The following ADAMTSL1 variants were observed in gnomAD, a reference collection of about 807,000 sequenced individuals.
ADAMTSL1 encodes ADAMTS like 1, also known as ADAMTS-like protein 1.
ADAMTSL1 carries 126 observed loss-of-function variants against 201.8 expected under a neutral mutation model. That is an observed-to-expected ratio of 0.62 (90% CI 0.54 to 0.72). The LOEUF is 0.72. Ranked by LOEUF, ADAMTSL1 falls within the 30% of genes least tolerant of loss-of-function variation. The pLI is 0.00. For synonymous variants in ADAMTSL1, 1,121 were observed against 903.4 expected (o/e 1.24, Z -4.32); for missense variants, 2,679 against 2,277.8 (o/e 1.18, Z -3.59).
At chr9:17,960,711 T>C (rs1042225221) in intron 1 of ADAMTSL1, among the ~76,000 whole-genome samples, 1 of 152,226 alleles carries the variant, frequency 6.6e-6, no homozygotes, top group Non-Finnish European at 1.5e-5. Context: ...CCTGTATTCA[T>C]CTGTCTTTTT....
chr9:18,777,100 G>A lies in ADAMTSL1; in HGVS notation c.2871G>A (p.Val957=), dbSNP rs765856025. The change falls in exon 19 of 29, where the codon GTG becomes GTA. Residue 957 remains valine (V), a synonymous_variant. Coordinates refer to ENST00000380548, the MANE Select transcript of ADAMTSL1 (RefSeq NM_001040272.6). ...CGGGCCCGGCCCGGGAGCACTTTGTGATTAAGCTCATCGGAGGCAACCGCA... is the reference window on the plus strand; with the variant it reads ...CGGGCCCGGCCCGGGAGCACTTTGTAATTAAGCTCATCGGAGGCAACCGCA... ...CSAGPAREHF[V]IKLIGGNRKL... is the part of the protein sequence containing the mutation. 2.3e-5 allele frequency: 37 copies of A among 1,613,104 alleles called. No individual in the cohort carries two copies. Among genetic ancestry groups the A allele is most frequent in the Non-Finnish European group, 5.9e-6 (7 of 1,179,840 alleles).
chr9:18,403,167 T>TA (rs981559023), intron 2 of ADAMTSL1, among the ~76,000 whole-genome samples: 2 of 151,948 alleles, frequency 1.3e-5, no homozygotes, highest in African/African-American at 4.8e-5. Flanking sequence ...TTTTTTTTTT[T>TA]ATTTTTCCCC....
At chr9:18,057,406 A>T (rs751349285) in intron 1 of ADAMTSL1, among the ~76,000 whole-genome samples, 1 of 152,192 alleles carries the variant, frequency 6.6e-6, no homozygotes, top group Non-Finnish European at 1.5e-5. Context: ...TTTAATGTGA[A>T]AAATTAGTTC....
chr9:18,284,165 G>T (rs534152790), intron 2 of ADAMTSL1, among the ~76,000 whole-genome samples: 38 of 151,760 alleles, frequency 2.5e-4, no homozygotes, highest in South Asian at 8.3e-4. Flanking sequence ...GGAGGCAGAG[G>T]TTGCAGTGAG....
At chr9:18,077,919 G>C (rs941620270) in intron 1 of ADAMTSL1, among the ~76,000 whole-genome samples, 1 of 152,148 alleles carries the variant, frequency 6.6e-6, no homozygotes, top group African/African-American at 2.4e-5. Flanking sequence ...GAAGTTTCAT[G>C]GGTGAGAAGT....
At chr9:18,471,908 A>C (rs1821231904), upstream of ADAMTSL1, among the ~76,000 whole-genome samples, 1 of 152,236 alleles carries the variant, frequency 6.6e-6, no homozygotes, top group African/African-American at 2.4e-5. Flanking sequence ...AAAGAATCTA[A>C]ACTAGCATGT....
chr9:18,654,353 A>G (rs10511661), intron 7 of ADAMTSL1, among the ~76,000 whole-genome samples: 41,658 of 152,198 alleles, frequency 0.27, 6,294 homozygotes, highest in East Asian at 0.68. Flanking sequence ...GATGTATATA[A>G]AAAGATAATG....
At chr9:18,245,987 A>G (rs1831246050) in intron 2 of ADAMTSL1, among the ~76,000 whole-genome samples, 1 of 152,302 alleles carries the variant, frequency 6.6e-6, no homozygotes, top group South Asian at 2.1e-4. Context: ...TGCAAAAAGA[A>G]TGGCGAATTG....
chr9:18,806,927 C>T lies in ADAMTSL1; in HGVS notation c.3806-10182C>T, dbSNP rs905637135. 2.5e-4 allele frequency among the ~76,000 whole-genome samples: 37 copies of T among 148,772 alleles called. 1 individual carries two copies. The highest frequency in any genetic ancestry group is 8.0e-4 in the Admixed American group (12 of 14,944). On this transcript the variant is annotated intron_variant, in intron 20 of 28. Coordinates refer to ENST00000380548, the MANE Select transcript of ADAMTSL1 (RefSeq NM_001040272.6). The stretch of plus-strand genomic sequence containing the variant: ...AGTTTTAGCCATATGTCAGGCTCTC[C>T]TGTTGTGTAAGAGCTGCCCTCGTTT...
intron 23 of ADAMTSL1, among the ~76,000 whole-genome samples, chr9:18,849,155 G>A (rs1264015549): frequency 2.0e-5 from 3 of 151,952 alleles, no homozygotes; most frequent in Admixed American, 6.5e-5. Context: ...TCTAGGTCCT[G>A]GGGATAGAAG....
At chr9:18,581,928 A>T (rs1445998384) in intron 4 of ADAMTSL1, among the ~76,000 whole-genome samples, 1 of 152,204 alleles carries the variant, frequency 6.6e-6, no homozygotes, top group African/African-American at 2.4e-5. Context: ...CCTAAGAGTC[A>T]TTCTTCTTTC....
intron 1 of ADAMTSL1, among the ~76,000 whole-genome samples, chr9:18,071,445 C>T (rs888593835): frequency 3.9e-5 from 6 of 152,058 alleles, no homozygotes; most frequent in Non-Finnish European, 5.9e-5. Flanking sequence ...TTAAAGGAAC[C>T]GGAGTTCAGA....
intron 2 of ADAMTSL1, among the ~76,000 whole-genome samples, chr9:18,211,738 A>G (rs929064106): frequency 6.6e-6 from 1 of 152,214 alleles, no homozygotes; most frequent in African/African-American, 2.4e-5. Context: ...GATACCTTCC[A>G]TGTAATTTTA....
intron 21 of ADAMTSL1, 58 bp downstream of exon 21, chr9:18,817,295 A>T: frequency 6.6e-7 from 1 of 1,503,840 alleles, no homozygotes. Context: ...TAGGTTGGGG[A>T]TACAAAGACA....
At chr9:18,042,307 C>A (rs1375071831) in intron 1 of ADAMTSL1, among the ~76,000 whole-genome samples, 1 of 152,012 alleles carries the variant, frequency 6.6e-6, no homozygotes, top group African/African-American at 2.4e-5. Context: ...AATACTAATT[C>A]TGATTGAATT....
intron 9 of ADAMTSL1, among the ~76,000 whole-genome samples, chr9:18,668,923 C>A (rs1829635133): frequency 6.6e-6 from 1 of 152,196 alleles, no homozygotes; most frequent in African/African-American, 2.4e-5. Flanking sequence ...AGTGTTAGGG[C>A]CACTTGGCAA....
chr9:18,373,708 T>A (rs997173701), intron 2 of ADAMTSL1, among the ~76,000 whole-genome samples: 5 of 152,104 alleles, frequency 3.3e-5, no homozygotes, highest in African/African-American at 1.2e-4. Flanking sequence ...CAGCTGCACA[T>A]TCCCCAGGCT....
At chr9:18,530,283 T>G (rs1035242851) in intron 2 of ADAMTSL1, among the ~76,000 whole-genome samples, 2 of 152,184 alleles carry the variant, frequency 1.3e-5, no homozygotes, top group Admixed American at 1.3e-4. Flanking sequence ...TCCCAGATCT[T>G]CAGGCTCCTA....
intron 2 of ADAMTSL1, among the ~76,000 whole-genome samples, chr9:18,261,179 C>T (rs1213270593): frequency 6.6e-6 from 1 of 151,830 alleles, no homozygotes; most frequent in African/African-American, 2.4e-5. Flanking sequence ...TAGGGTGAAG[C>T]CCATTTCTGT....
Sources: gnomAD v4.1 joint callset for allele counts (sites outside exome capture counted in the v4.1 genomes callset) on GRCh38, gnomAD v4.1.1 for gene constraint, MANE v1.5 for transcripts, NCBI Gene and HGNC (gene_info 2026-07-23, HGNC 2026-07-21) for gene names.